Variants in NIPSNAP2 observed in about 807,000 individuals in gnomAD.
The protein encoded by NIPSNAP2 is protein NipSnap homolog 2.
In NIPSNAP2, 42 loss-of-function variants were observed where a neutral mutation model predicts 48.4. That is an observed-to-expected ratio of 0.87 (90% CI 0.68 to 1.12). NIPSNAP2 has a LOEUF of 1.12. NIPSNAP2 is among the 50% of genes most tolerant of loss of function. The pLI, the probability that NIPSNAP2 is intolerant of heterozygous loss-of-function variation, is 0.00. For missense variants in NIPSNAP2, 314 were observed against 347.3 expected, an observed-to-expected ratio of 0.90 and a Z score of 0.76; for synonymous variants, 158 against 126.6, an observed-to-expected ratio of 1.25 and a Z score of -1.67.
In NIPSNAP2 at chr7:55,981,511, A is replaced by C. The variant is rs1449172869; in HGVS notation, c.317A>C (p.Tyr106Ser). ...CCAAAGATTCACGAAGATAAACACT[A>C]CCCTTGTACTTTGGTGGGGACTTGG... The part of the protein sequence containing the change: ...VLPKIHEDKH[Y>S]PCTLVGTWNT... Residue 106 changes from tyrosine (Y) to serine (S), a missense_variant, in exon 4 of 10, where the codon TAC becomes TCC. Transcript: ENST00000322090. 6.2e-7 allele frequency: 1 copy of C among 1,613,886 alleles called. No homozygotes were observed. Among genetic ancestry groups the C allele is most frequent in the Admixed American group, 1.7e-5 (1 of 59,992 alleles).
At chr7:55,990,275 C>T (rs1787416622) in intron 7 of NIPSNAP2, among the ~76,000 whole-genome samples, 1 of 146,982 alleles carries the variant, frequency 6.8e-6, no homozygotes, top group Admixed American at 6.9e-5. Context: ...GTTGCCCAGG[C>T]TGGAGTGCAG....
At chr7:55,973,271 A>C (rs1479116412) in intron 1 of NIPSNAP2, among the ~76,000 whole-genome samples, 1 of 152,208 alleles carries the variant, frequency 6.6e-6, no homozygotes, top group East Asian at 1.9e-4. Context: ...AATTGGAAGC[A>C]TCTTCAACTT....
At chr7:55,990,743 T>C (rs1787426237) in intron 7 of NIPSNAP2, among the ~76,000 whole-genome samples, 1 of 152,030 alleles carries the variant, frequency 6.6e-6, no homozygotes, top group South Asian at 2.1e-4. Flanking sequence ...CTTGTACCTT[T>C]TTGCCTTTTT....
chr7:55,972,932 G>C (rs189646553), intron 1 of NIPSNAP2, among the ~76,000 whole-genome samples: 3 of 152,068 alleles, frequency 2.0e-5, no homozygotes, highest in Non-Finnish European at 4.4e-5. Flanking sequence ...GTGAAACCCT[G>C]TCTCTACAAA....
At chr7:55,973,518 C>T (rs1463327203) in intron 1 of NIPSNAP2, among the ~76,000 whole-genome samples, 1 of 151,836 alleles carries the variant, frequency 6.6e-6, no homozygotes, top group Non-Finnish European at 1.5e-5. Context: ...CTGTGTAGCC[C>T]AGGCTGGAGT....
chr7:55,995,312 C>T (rs2116378316), intron 8 of NIPSNAP2, among the ~76,000 whole-genome samples: 1 of 152,300 alleles, frequency 6.6e-6, no homozygotes, highest in South Asian at 2.1e-4. Flanking sequence ...AGACTGACTG[C>T]TTACTTCCTC....
intron 1 of NIPSNAP2, chr7:55,965,211 T>C (rs1289509659): frequency 1.3e-5 from 2 of 152,136 alleles, no homozygotes; most frequent in African/African-American, 2.4e-5. Flanking sequence ...CCGCGGAGCG[T>C]AGGGGAAGTT....
intron 1 of NIPSNAP2, among the ~76,000 whole-genome samples, chr7:55,973,760 G>C (rs899308460): frequency 2.6e-5 from 4 of 151,894 alleles, no homozygotes; most frequent in African/African-American, 9.7e-5. Flanking sequence ...CTGGGATTTA[G>C]AAGCGTGAGC....
chr7:55,999,617 G>A lies in NIPSNAP2; in HGVS notation c.*545G>A, dbSNP rs1248291235. 1 of 152,900 alleles carries A rather than the reference G, an allele frequency of 6.5e-6. No individual in the cohort carries two copies. The highest frequency in any genetic ancestry group is 1.5e-5 in the Non-Finnish European group (1 of 68,298). 9.5% of individuals were successfully genotyped at this position (152,900 alleles called of 1,614,324 possible). On this transcript the variant is annotated 3_prime_UTR_variant, in exon 10 of 10. Transcript: ENST00000322090. ...CTCTCATTTGTAAGCAGTCCACATA[G>A]TAGACAATGGGTTTTCCAAGCTGGG... is the stretch of plus-strand genomic sequence containing the variant.
intron 7 of NIPSNAP2, among the ~76,000 whole-genome samples, chr7:55,994,075 TCA>T (rs1219308276): frequency 6.6e-6 from 1 of 152,172 alleles, no homozygotes; most frequent in African/African-American, 2.4e-5. Flanking sequence ...TCTCAGGATT[TCA>T]GAGTCATCAG....
intron 8 of NIPSNAP2, among the ~76,000 whole-genome samples, chr7:55,995,244 GA>G (rs3217415): frequency 0.35 from 53,012 of 151,936 alleles, 9,171 homozygotes; most frequent in South Asian, 0.38. Context: ...AGCCATGGAA[GA>G]AGGAGGCCAG....
chr7:55,990,857 G>A (rs1787429592), intron 7 of NIPSNAP2, among the ~76,000 whole-genome samples: 1 of 149,140 alleles, frequency 6.7e-6, no homozygotes, highest in Non-Finnish European at 1.5e-5. Flanking sequence ...GCGCAGTCTC[G>A]GCTCACTCCA....
intron 7 of NIPSNAP2, 131 bp downstream of exon 7, chr7:55,985,009 G>A: frequency 3.1e-6 from 2 of 647,494 alleles, no homozygotes; most frequent in Non-Finnish European, 5.3e-6. Flanking sequence ...TTCGTTTGAT[G>A]TTTTTATTAT....
chr7:55,981,620 A>T (rs1256664298), intron 4 of NIPSNAP2, 53 bp downstream of exon 4: 1 of 1,159,866 alleles, frequency 8.6e-7, no homozygotes, highest in Admixed American at 2.0e-5. Flanking sequence ...CTTATGTAAC[A>T]CTTAAGTAAT....
At chr7:55,991,152 C>A (rs1037277384) in intron 7 of NIPSNAP2, among the ~76,000 whole-genome samples, 11 of 152,216 alleles carry the variant, frequency 7.2e-5, no homozygotes, top group African/African-American at 2.6e-4. Context: ...TTTCTAAGAT[C>A]CCTTCTGTCT....
At chr7:55,996,811 T>G (rs1787572118) in intron 8 of NIPSNAP2, among the ~76,000 whole-genome samples, 1 of 152,156 alleles carries the variant, frequency 6.6e-6, no homozygotes, top group South Asian at 2.1e-4. Context: ...GAGGATCACT[T>G]GAGTCCAGGT....
intron 1 of NIPSNAP2, among the ~76,000 whole-genome samples, chr7:55,969,434 A>G (rs1786967733): frequency 6.6e-6 from 1 of 152,084 alleles, no homozygotes; most frequent in African/African-American, 2.4e-5. Flanking sequence ...ATGGGTATCT[A>G]CCTGACCATC....
chr7:55,988,870 A>T (rs950726002), intron 7 of NIPSNAP2, among the ~76,000 whole-genome samples: 1 of 152,018 alleles, frequency 6.6e-6, no homozygotes, highest in Non-Finnish European at 1.5e-5. Context: ...ATCTCAAAAA[A>T]AAGAAAAAAA....
At chr7:55,981,907 A>G (rs1412766057) in intron 4 of NIPSNAP2, 1 of 324,416 alleles carries the variant, frequency 3.1e-6, no homozygotes, top group Admixed American at 4.5e-5. Context: ...CCCGGGTTTA[A>G]GCGATTCTTC....
Sources: allele counts gnomAD v4.1 joint callset (sites outside exome capture counted in the v4.1 genomes callset), GRCh38; gene constraint gnomAD v4.1.1; transcripts MANE v1.5; gene names NCBI Gene and HGNC (gene_info 2026-07-23, HGNC 2026-07-21).